DAP3: variants seen among roughly 807,000 people sequenced by gnomAD.
The protein encoded by DAP3 is death associated protein 3.
In DAP3, 28 loss-of-function variants were observed where a neutral mutation model predicts 51.9. That is an observed-to-expected ratio of 0.54 (90% confidence interval 0.40 to 0.74). The LOEUF (loss-of-function observed/expected upper bound fraction) is 0.74. DAP3 is among the 30% of genes least tolerant of loss of function. DAP3 has a pLI of 0.00. For missense variants in DAP3, 458 were observed against 483.5 expected, an observed-to-expected ratio of 0.95 and a Z score of 0.49; for synonymous variants, 170 against 170.3, an observed-to-expected ratio of 1.00 and a Z score of 0.01.
At chr1:155,697,111 C>T (rs1186331254) in intron 1 of DAP3, among the ~76,000 whole-genome samples, 1 of 152,128 alleles carries the variant, frequency 6.6e-6, no homozygotes, top group Non-Finnish European at 1.5e-5. Flanking sequence ...TTTCATGGAA[C>T]GCCCCCAAGT....
chr1:155,700,597 C>A (rs1205212611), intron 1 of DAP3, among the ~76,000 whole-genome samples: 4 of 148,100 alleles, frequency 2.7e-5, no homozygotes, highest in Non-Finnish European at 4.5e-5. Flanking sequence ...CGGCCAGCCG[C>A]CCCGTCCGGG....
At chr1:155,732,106 T>C (rs1375966512) in intron 11 of DAP3, 73 bp downstream of exon 11, 7 of 1,328,582 alleles carry the variant, frequency 5.3e-6, no homozygotes, top group Non-Finnish European at 6.2e-6. Context: ...TATTAATCTA[T>C]GTATTTTGAC....
intron 4 of DAP3, 45 bp from the exon 5 acceptor site, chr1:155,725,337 T>A: frequency 2.3e-5 from 33 of 1,425,332 alleles, no homozygotes; most frequent in Middle Eastern, 1.8e-4. Flanking sequence ...CCCCACCCAC[T>A]CCTTCCACAC....
chr1:155,703,237 G>A (rs1303448451), intron 1 of DAP3, among the ~76,000 whole-genome samples: 1 of 152,170 alleles, frequency 6.6e-6, no homozygotes, highest in Non-Finnish European at 1.5e-5. Flanking sequence ...AGAAAAAGAG[G>A]TTTAATGGAC....
intron 1 of DAP3, among the ~76,000 whole-genome samples, chr1:155,706,147 G>A (rs1432329869): frequency 6.6e-6 from 1 of 152,050 alleles, no homozygotes; most frequent in Non-Finnish European, 1.5e-5. Flanking sequence ...CTACAGTCCT[G>A]CACCACCCTG....
At chr1:155,700,726 C>A (rs1655123651) in intron 1 of DAP3, among the ~76,000 whole-genome samples, 3 of 143,032 alleles carry the variant, frequency 2.1e-5, no homozygotes, top group South Asian at 4.5e-4. Flanking sequence ...GGCCAGCCGC[C>A]CCGTCCGGGA....
intron 9 of DAP3, among the ~76,000 whole-genome samples, chr1:155,730,527 G>C (rs971428399): frequency 6.6e-6 from 1 of 152,048 alleles, no homozygotes; most frequent in Non-Finnish European, 1.5e-5. Flanking sequence ...AAGATGGGAG[G>C]ATGGCTTGAG....
rs553818486 is a variant in DAP3 at position 155,717,611 on chromosome 1, A to T, written c.168+483A>T. 6.6e-5 allele frequency among the ~76,000 whole-genome samples: 10 copies of T among 152,340 alleles called. No individual in the cohort carries two copies. The East Asian group carries it at 1.7e-3, about 26-fold the overall frequency. On this transcript the variant is annotated intron_variant, in intron 3 of 12. Coordinates refer to ENST00000368336, the MANE Select transcript of DAP3 (RefSeq NM_004632.4). ...TGTTCCAGTAAAACTCTATTTACAA[A>T]ACAGGTGCCCAGCCATAACTTAACA...
intron 2 of DAP3, among the ~76,000 whole-genome samples, chr1:155,711,836 C>G (rs953232383): frequency 1.3e-5 from 2 of 151,178 alleles, no homozygotes; most frequent in South Asian, 4.2e-4. Flanking sequence ...CTGAGAGCCC[C>G]TGGCAAATCA....
chr1:155,689,088 T>C (rs1653256058), upstream of DAP3: 7 of 1,444,396 alleles, frequency 4.8e-6, no homozygotes, highest in African/African-American at 5.6e-5. Context: ...CCGACCCTTT[T>C]TTGCAGTCTC....
chr1:155,706,400 C>G (rs1343242962), intron 1 of DAP3, among the ~76,000 whole-genome samples: 2 of 152,212 alleles, frequency 1.3e-5, no homozygotes, highest in Non-Finnish European at 2.9e-5. Context: ...GCCTGACACA[C>G]AGTAGGTGCT....
At chr1:155,706,003 T>C (rs1187874162) in intron 1 of DAP3, among the ~76,000 whole-genome samples, 3 of 151,998 alleles carry the variant, frequency 2.0e-5, no homozygotes, top group Non-Finnish European at 4.4e-5. Flanking sequence ...ACCTGGCCTC[T>C]TTTCATTTAT....
intron 2 of DAP3, among the ~76,000 whole-genome samples, chr1:155,711,667 T>C (rs530477405): frequency 2.0e-5 from 3 of 151,286 alleles, no homozygotes; most frequent in Non-Finnish European, 4.4e-5. Flanking sequence ...GATAGAAGTA[T>C]ATATGAAGGA....
In DAP3 at chr1:155,721,545, A is replaced by G. The variant is rs1256281261; in HGVS notation, c.197A>G (p.Gln66Arg). The change falls in exon 4 of 13, where the codon CAG becomes CGG. Residue 66 changes from glutamine to arginine, a missense_variant. Transcript: ENST00000368336. ...PAKHGDQHEG[Q>R]HYNISPQDLE... ...AAGCATGGGGATCAGCACGAGGGTC[A>G]GCACTACAACATCTCCCCCCAGGAT... 2 of 1,613,946 alleles carry G rather than the reference A, an allele frequency of 1.2e-6. No homozygotes were observed. The highest frequency in any genetic ancestry group is 2.7e-5 in the African/African-American group (2 of 74,890).
chr1:155,688,533 A>C, upstream of DAP3: 1 of 1,541,704 alleles, frequency 6.5e-7, no homozygotes, highest in African/African-American at 1.4e-5. Flanking sequence ...CCCACCAACC[A>C]CCACCTTCGG....
At chr1:155,727,453 A>G in intron 6 of DAP3, 155 bp from the exon 7 acceptor site, 1 of 728,874 alleles carries the variant, frequency 1.4e-6, no homozygotes, top group Non-Finnish European at 1.9e-6. Flanking sequence ...TGGGTGACAG[A>G]GCAAGACCCT....
At chr1:155,699,650 G>C (rs1654939257) in intron 1 of DAP3, among the ~76,000 whole-genome samples, 2 of 152,042 alleles carry the variant, frequency 1.3e-5, no homozygotes, top group Non-Finnish European at 2.9e-5. Flanking sequence ...GTCTTACTCT[G>C]TTACCTGGGC....
intron 1 of DAP3, 22 bp from the exon 2 acceptor site, chr1:155,709,751 A>G: frequency 6.6e-7 from 1 of 1,521,444 alleles, no homozygotes. Flanking sequence ...TTACCTTTTC[A>G]CTTTTTTTTT....
rs775853011 is a variant in DAP3 at position 155,721,530 on chromosome 1, A to T, written c.182A>T (p.Asp61Val). The T allele has an allele frequency of 6.2e-7, 1 of 1,613,832 alleles. No homozygotes were observed. The highest frequency in any genetic ancestry group is 1.1e-5 in the South Asian group (1 of 91,070). The part of the protein sequence containing the change: ...TNENDPAKHG[D>V]QHEGQHYNIS... ...CTTATTTCCTAGGCCAAGCATGGGGATCAGCACGAGGGTCAGCACTACAAC... is the reference window on the plus strand; with the variant it reads ...CTTATTTCCTAGGCCAAGCATGGGGTTCAGCACGAGGGTCAGCACTACAAC... The change falls in exon 4 of 13, where the codon GAT becomes GTT. Residue 61 changes from aspartate (D) to valine (V), a missense_variant. By Grantham distance (152) the Asp-to-Val change is radical. Transcript: ENST00000368336.
Sources: allele counts gnomAD v4.1 joint callset (sites outside exome capture counted in the v4.1 genomes callset), GRCh38; gene constraint gnomAD v4.1.1; transcripts MANE v1.5; gene names NCBI Gene and HGNC (gene_info 2026-07-23, HGNC 2026-07-21).